AFF4: variants seen among roughly 807,000 people sequenced by gnomAD.
AFF4 encodes ALF transcription elongation factor 4, also known as AF4/FMR2 family member 4.
AFF4 carries 13 observed loss-of-function variants against 124.8 expected under a neutral mutation model. The ratio of observed to expected loss-of-function variants is 0.10; its 90% CI spans 0.07 to 0.17. The LOEUF is 0.17. AFF4 is among the 10% of genes least tolerant of loss of function. The pLI, the probability that AFF4 is intolerant of heterozygous loss-of-function variation, is 1.00. For missense variants in AFF4, 1,092 were observed against 1,403.8 expected (o/e 0.78, Z 3.55); for synonymous variants, 477 against 496.1 (o/e 0.96, Z 0.51).
At chr5:132,945,596 AC>A (rs1259956207) in intron 1 of AFF4, 1 of 152,266 alleles carries the variant, frequency 6.6e-6, no homozygotes, top group Non-Finnish European at 1.5e-5. Flanking sequence ...CACTAAAAAT[AC>A]AAAAATTAGC....
chr5:132,915,778 A>G (rs1189410151), intron 5 of AFF4, among the ~76,000 whole-genome samples: 1 of 151,700 alleles, frequency 6.6e-6, no homozygotes, highest in African/African-American at 2.4e-5. Context: ...CATATTGGCC[A>G]GGCTGGTCTT....
chr5:132,963,186 CA>C, intron 1 of AFF4, 72 bp downstream of exon 1: 13 of 383,982 alleles, frequency 3.4e-5, no homozygotes, highest in Non-Finnish European at 6.0e-5. Context: ...TGCGGGCCCC[CA>C]CCCCCACCCG....
At chr5:132,918,723 A>C (rs1760973497) in intron 5 of AFF4, among the ~76,000 whole-genome samples, 1 of 152,256 alleles carries the variant, frequency 6.6e-6, no homozygotes, top group East Asian at 1.9e-4. Context: ...CAATACTGAA[A>C]GAAATTAAAT....
chr5:132,928,979 A>G (rs1044163001), intron 4 of AFF4, among the ~76,000 whole-genome samples: 4 of 152,210 alleles, frequency 2.6e-5, no homozygotes, highest in African/African-American at 9.6e-5. Context: ...GCTCAAAGGC[A>G]TAACATTATG....
intron 1 of AFF4, among the ~76,000 whole-genome samples, chr5:132,951,769 C>A (rs926237765): frequency 1.3e-5 from 2 of 152,020 alleles, no homozygotes; most frequent in Non-Finnish European, 2.9e-5. Context: ...CTCAAGTGAT[C>A]GGCCCACCTC....
chr5:132,916,871 T>C (rs529618537), intron 5 of AFF4, among the ~76,000 whole-genome samples: 7 of 152,144 alleles, frequency 4.6e-5, no homozygotes, highest in East Asian at 1.9e-4. Flanking sequence ...AGAGTTTACA[T>C]CAGGAATGTA....
At chr5:132,950,327 T>C (rs960794240) in intron 1 of AFF4, among the ~76,000 whole-genome samples, 2 of 150,826 alleles carry the variant, frequency 1.3e-5, no homozygotes, top group Non-Finnish European at 3.0e-5. Flanking sequence ...AATACAAAAT[T>C]AGCCAGGAAT....
intron 2 of AFF4, among the ~76,000 whole-genome samples, 186 bp downstream of exon 2, chr5:132,936,881 G>T (rs1276165364): frequency 6.6e-6 from 1 of 152,126 alleles, no homozygotes; most frequent in Non-Finnish European, 1.5e-5. Flanking sequence ...GTATTTTTCT[G>T]TAAGCATAAT....
intron 1 of AFF4, among the ~76,000 whole-genome samples, chr5:132,950,553 G>A (rs997650275): frequency 2.0e-5 from 3 of 152,168 alleles, no homozygotes; most frequent in African/African-American, 7.2e-5. Flanking sequence ...GGAGGCTGAG[G>A]TAGGACAATC....
At position 132,890,971 on chromosome 5, in the gene AFF4, G is replaced by GAC. The variant is rs1581272861; in HGVS notation, c.2637+1192_2637+1193insGT. Among the ~76,000 whole-genome samples, 3 of 151,636 alleles carry GAC rather than the reference G, an allele frequency of 2.0e-5. No homozygotes were observed. The East Asian group carries it at 5.8e-4, about 29-fold the overall frequency. Reference sequence around the variant, plus strand: ...CGAGATAGCAGAATCCAAATGAGCAGGAGAGCTCACTTATTTAAAAGCAAA... The same window carrying GAC: ...CGAGATAGCAGAATCCAAATGAGCAGACGAGAGCTCACTTATTTAAAAGCAAA... On this transcript the variant is annotated intron_variant, in intron 13 of 20. Transcript: ENST00000265343.
At chr5:132,937,916 C>G (rs12516596) in intron 1 of AFF4, among the ~76,000 whole-genome samples, 17,537 of 152,166 alleles carry the variant, frequency 0.12, 1,281 homozygotes, top group South Asian at 0.19. Context: ...AGTCCCATCT[C>G]TATAATCAGG....
chr5:132,900,606 C>T (rs1362013016), intron 7 of AFF4, among the ~76,000 whole-genome samples: 2 of 152,036 alleles, frequency 1.3e-5, no homozygotes, highest in Non-Finnish European at 2.9e-5. Context: ...CCAAAATCTC[C>T]GTTGATCAAA....
intron 19 of AFF4, among the ~76,000 whole-genome samples, chr5:132,883,963 G>T (rs1760050758): frequency 6.6e-6 from 1 of 152,150 alleles, no homozygotes; most frequent in African/African-American, 2.4e-5. Flanking sequence ...AAAAAACTGT[G>T]GTAGAAGATG....
rs895552315 is a variant in AFF4 at position 132,876,255 on chromosome 5, T to C, written c.*4804A>G. 5.2e-6 allele frequency: 1 copy of C among 190,792 alleles called. No individual in the cohort carries two copies. The highest frequency in any genetic ancestry group is 8.5e-5 in the East Asian group (1 of 11,834). The allele number at this position is 190,792 out of a possible 1,614,324, so 11.8% of individuals were successfully genotyped here. A position where few individuals can be genotyped will look rare whatever the true frequency, so the allele number is the denominator to read the frequency against. On this transcript the variant is annotated 3_prime_UTR_variant, in exon 21 of 21. Coordinates refer to ENST00000265343, the MANE Select transcript of AFF4 (RefSeq NM_014423.4). ...ATGCTCATGTTAATGATTTGCCAGG[T>C]GTGTGCATAAAGTTGTAAAATGGGG... is the stretch of plus-strand genomic sequence containing the variant.
At chr5:132,889,028 C>T (rs377348767) in intron 14 of AFF4, 51 bp downstream of exon 14, 8 of 1,526,856 alleles carry the variant, frequency 5.2e-6, no homozygotes, top group Non-Finnish European at 7.3e-6. Flanking sequence ...TTCTTATATG[C>T]TGACTGGAAT....
At chr5:132,963,012 A>G (rs1264537617) in intron 1 of AFF4, among the ~76,000 whole-genome samples, 2 of 152,102 alleles carry the variant, frequency 1.3e-5, no homozygotes, top group Non-Finnish European at 2.9e-5. Context: ...GAGAAACACT[A>G]AACGGATGGA....
intron 1 of AFF4, among the ~76,000 whole-genome samples, chr5:132,938,056 C>T (rs1390894461): frequency 3.3e-5 from 5 of 151,210 alleles, no homozygotes. Flanking sequence ...ACCAGGGAAT[C>T]TGCAACACTC....
intron 3 of AFF4, among the ~76,000 whole-genome samples, chr5:132,932,745 A>G (rs1761329881): frequency 6.6e-6 from 1 of 152,232 alleles, no homozygotes; most frequent in Non-Finnish European, 1.5e-5. Flanking sequence ...TTACTGAAAG[A>G]TTACTAGTCT....
In AFF4 at chr5:132,893,514, ATTTAG is replaced by A. The variant is rs955841910; in HGVS notation, c.2308-401_2308-397del. Among the ~76,000 whole-genome samples, 38 of 152,236 alleles carry A rather than the reference ATTTAG, an allele frequency of 2.5e-4. 1 individual carries two copies. Among genetic ancestry groups the A allele is most frequent in the Admixed American group, 2.3e-3 (35 of 15,288 alleles). On this transcript the variant is annotated intron_variant, in intron 11 of 20. Transcript: ENST00000265343. ...CCACAATGAAATTTTAATTTTATTT[ATTTAG>A]TTATTTATTTATTTTTCAGACGGAG...
Sources: allele counts gnomAD v4.1 joint callset (sites outside exome capture counted in the v4.1 genomes callset), GRCh38; gene constraint gnomAD v4.1.1; transcripts MANE v1.5; gene names NCBI Gene and HGNC (gene_info 2026-07-23, HGNC 2026-07-21).